Variants in GRID2 observed in about 807,000 individuals in gnomAD.
The protein encoded by GRID2 is glutamate ionotropic receptor delta type subunit 2.
GRID2 carries 33 observed loss-of-function variants against 114.8 expected under a neutral mutation model. The observed-to-expected ratio is 0.29, with a 90% confidence interval of 0.22 to 0.38. The LOEUF is 0.38. Among genes scored for constraint, GRID2 ranks in the 10% least tolerant of loss-of-function variants. The pLI is 1.00. For missense variants in GRID2, 1,184 were observed against 1,257.7 expected, an observed-to-expected ratio of 0.94 and a Z score of 0.89; for synonymous variants, 505 against 449.9, an observed-to-expected ratio of 1.12 and a Z score of -1.55.
chr4:93,379,480 G>A (rs1323209530), intron 8 of GRID2, among the ~76,000 whole-genome samples: 1 of 152,056 alleles, frequency 6.6e-6, no homozygotes, highest in Non-Finnish European at 1.5e-5. Flanking sequence ...GCAAAAAGGG[G>A]AGAGATCTTT....
intron 2 of GRID2, among the ~76,000 whole-genome samples, chr4:92,713,766 C>G (rs1735396837): frequency 6.6e-6 from 1 of 151,786 alleles, no homozygotes; most frequent in Non-Finnish European, 1.5e-5. Flanking sequence ...TCTCATGAGA[C>G]TTATTCACTA....
At chr4:92,610,474 T>C (rs1354197411) in intron 2 of GRID2, among the ~76,000 whole-genome samples, 1 of 151,718 alleles carries the variant, frequency 6.6e-6, no homozygotes, top group African/African-American at 2.4e-5. Context: ...CTGCCCACCT[T>C]AGTAAGGATA....
chr4:93,027,099 T>C (rs1723951710), intron 2 of GRID2, among the ~76,000 whole-genome samples: 2 of 152,122 alleles, frequency 1.3e-5, no homozygotes, highest in African/African-American at 4.8e-5. Flanking sequence ...GTTTTACATA[T>C]AAAATCATTT....
intron 2 of GRID2, among the ~76,000 whole-genome samples, chr4:92,735,701 G>A (rs1345413434): frequency 3.3e-5 from 5 of 152,000 alleles, no homozygotes; most frequent in Non-Finnish European, 7.4e-5. Context: ...TTGTATGAAT[G>A]TTTCCTAGAA....
intron 2 of GRID2, among the ~76,000 whole-genome samples, chr4:93,032,982 A>G (rs990249914): frequency 6.6e-5 from 10 of 152,222 alleles, no homozygotes; most frequent in African/African-American, 2.4e-4. Flanking sequence ...CTGTTAATTG[A>G]CATCAAGAAA....
intron 13 of GRID2, among the ~76,000 whole-genome samples, chr4:93,565,191 T>A (rs903328005): frequency 2.0e-5 from 3 of 151,982 alleles, no homozygotes. Flanking sequence ...AAGAAGTGAG[T>A]CATTCATTTT....
chr4:92,692,882 G>T (rs1021579103), intron 2 of GRID2, among the ~76,000 whole-genome samples: 3 of 151,960 alleles, frequency 2.0e-5, no homozygotes, highest in African/African-American at 7.2e-5. Flanking sequence ...AATTAGCCAG[G>T]CATGGTGGTG....
intron 2 of GRID2, among the ~76,000 whole-genome samples, chr4:92,990,877 C>G (rs1754858851): frequency 6.6e-6 from 1 of 151,948 alleles, no homozygotes; most frequent in Admixed American, 6.6e-5. Context: ...CTAAAAAAGA[C>G]AAGTCTGAAT....
chr4:93,242,251 A>C (rs1354389712), intron 8 of GRID2, among the ~76,000 whole-genome samples: 1 of 151,916 alleles, frequency 6.6e-6, no homozygotes, highest in African/African-American at 2.4e-5. Flanking sequence ...AACAGTGGAG[A>C]AGTTTCGAAA....
At chr4:93,453,486 T>C (rs944986864) in intron 10 of GRID2, among the ~76,000 whole-genome samples, 2 of 152,104 alleles carry the variant, frequency 1.3e-5, no homozygotes, top group African/African-American at 4.8e-5. Context: ...AGGAATTTGT[T>C]TATAGATATA....
chr4:92,479,638 T>C (rs1240614843), intron 1 of GRID2, among the ~76,000 whole-genome samples: 1 of 152,148 alleles, frequency 6.6e-6, no homozygotes, highest in Admixed American at 6.6e-5. Context: ...ATGAAAGAGA[T>C]AGTTATAAAG....
chr4:92,636,154 T>C (rs918256847), intron 2 of GRID2, among the ~76,000 whole-genome samples: 14 of 152,014 alleles, frequency 9.2e-5, no homozygotes, highest in African/African-American at 2.2e-4. Context: ...CTAGAGTTGG[T>C]GGGCCTGCCG....
At chr4:93,762,506 G>C (rs898239217) in intron 14 of GRID2, among the ~76,000 whole-genome samples, 11 of 152,280 alleles carry the variant, frequency 7.2e-5, no homozygotes, top group African/African-American at 2.4e-4. Context: ...AGGACAAGAA[G>C]CTTGAAGACC....
chr4:92,367,477 AAGAATG>A (rs765178002), intron 1 of GRID2, among the ~76,000 whole-genome samples: 24 of 152,088 alleles, frequency 1.6e-4, no homozygotes, highest in Admixed American at 6.6e-5. Context: ...TTGCCATGGA[AAGAATG>A]AGAGGAGGAA....
intron 4 of GRID2, among the ~76,000 whole-genome samples, chr4:93,189,627 AT>A (rs1175302232): frequency 1.3e-5 from 2 of 152,024 alleles, no homozygotes; most frequent in Non-Finnish European, 2.9e-5. Context: ...AATCATATTA[AT>A]TTTTTGTTCA....
At position 93,779,637 on chromosome 4, in the gene GRID2, T is replaced by C. The variant is rs183772781; in HGVS notation, c.221+10187T>C. On this transcript the variant is annotated intron_variant, in intron 1 of 1. Coordinates refer to the GRID2 transcript ENST00000637838. The stretch of plus-strand genomic sequence containing the variant: ...TACACCATGTTGCAGAGTATGTTTG[T>C]CAAATTAGTGGTATAGAAAAAATAC... 1.4e-3 allele frequency among the ~76,000 whole-genome samples: 211 copies of C among 152,286 alleles called. 1 individual carries two copies. Among genetic ancestry groups the C allele is most frequent in the South Asian group, 0.013 (62 of 4,830 alleles).
intron 2 of GRID2, among the ~76,000 whole-genome samples, chr4:92,839,331 T>C (rs1477101031): frequency 6.6e-6 from 1 of 151,470 alleles, no homozygotes; most frequent in Non-Finnish European, 1.5e-5. Flanking sequence ...AGTTAGTTAC[T>C]TATGTATACA....
chr4:93,105,475 A>G (rs965485778), intron 3 of GRID2, among the ~76,000 whole-genome samples: 1 of 152,170 alleles, frequency 6.6e-6, no homozygotes, highest in Non-Finnish European at 1.5e-5. Context: ...ATCTTGAATT[A>G]ATTTTTGTAT....
chr4:93,049,518 C>CT (rs1461658551), intron 2 of GRID2, among the ~76,000 whole-genome samples: 11 of 151,594 alleles, frequency 7.3e-5, no homozygotes, highest in Non-Finnish European at 1.6e-4. Flanking sequence ...TATCCCCCCC[C>CT]CAAAAAAATT....
Sources: allele counts gnomAD v4.1 joint callset (sites outside exome capture counted in the v4.1 genomes callset), GRCh38; gene constraint gnomAD v4.1.1; transcripts MANE v1.5; gene names NCBI Gene and HGNC (gene_info 2026-07-23, HGNC 2026-07-21).